PLEKHA7: variants seen among roughly 807,000 people sequenced by gnomAD.
PLEKHA7 encodes pleckstrin homology domain containing A7, also known as pleckstrin homology domain-containing family A member 7.
In PLEKHA7, 104 loss-of-function variants were observed where a neutral mutation model predicts 170.0. The observed-to-expected ratio is 0.61, with a 90% CI of 0.52 to 0.72. The LOEUF is 0.72. PLEKHA7 is among the 30% of genes least tolerant of loss of function. The probability of loss-of-function intolerance (pLI) is 0.00; values close to 1 mark genes in which losing one functional copy is unlikely to be tolerated. For synonymous variants in PLEKHA7, 648 were observed against 660.8 expected (o/e 0.98, Z 0.30); for missense variants, 1,615 against 1,671.7 (o/e 0.97, Z 0.59).
At chr11:16,964,532 C>T (rs188370765) in intron 3 of PLEKHA7, among the ~76,000 whole-genome samples, 90 of 152,330 alleles carry the variant, frequency 5.9e-4, no homozygotes, top group South Asian at 5.6e-3. Context: ...GATGTCTGCA[C>T]ACTCTTGGAA....
intron 8 of PLEKHA7, among the ~76,000 whole-genome samples, chr11:16,843,780 T>TA (rs1249837586): frequency 7.9e-5 from 12 of 151,550 alleles, no homozygotes; most frequent in Admixed American, 4.6e-4. Flanking sequence ...CTACTAAAAA[T>TA]AAAAAAAATA....
intron 3 of PLEKHA7, among the ~76,000 whole-genome samples, chr11:16,894,944 GTTATTA>G (rs995230565): frequency 1.3e-5 from 2 of 152,164 alleles, no homozygotes; most frequent in Non-Finnish European, 2.9e-5. Flanking sequence ...CTAGGAGGTA[GTTATTA>G]TTATTTCCAT....
chr11:16,959,969 G>GC (rs1234832565), intron 3 of PLEKHA7, among the ~76,000 whole-genome samples: 1 of 152,088 alleles, frequency 6.6e-6, no homozygotes, highest in Non-Finnish European at 1.5e-5. Context: ...AAAACCTACT[G>GC]CCCCCCAAGG....
chr11:16,885,561 A>G (rs2135850614), intron 3 of PLEKHA7, among the ~76,000 whole-genome samples: 1 of 149,614 alleles, frequency 6.7e-6, no homozygotes, highest in East Asian at 1.9e-4. Flanking sequence ...TGTTCGGGAG[A>G]CTGAGGCAGG....
intron 3 of PLEKHA7, among the ~76,000 whole-genome samples, chr11:17,009,902 G>A (rs746942416): frequency 3.3e-5 from 5 of 151,998 alleles, no homozygotes; most frequent in Non-Finnish European, 5.9e-5. Context: ...GTGTGGAATT[G>A]CAGGCATGAG....
intron 4 of PLEKHA7, among the ~76,000 whole-genome samples, chr11:16,857,758 G>C (rs903836368): frequency 1.3e-5 from 2 of 152,324 alleles, no homozygotes; most frequent in Non-Finnish European, 2.9e-5. Context: ...TCGCTCTGTC[G>C]CCCGGGCTGG....
At chr11:16,863,446 C>A (rs1484492559) in intron 4 of PLEKHA7, among the ~76,000 whole-genome samples, 3 of 152,128 alleles carry the variant, frequency 2.0e-5, no homozygotes, top group African/African-American at 7.2e-5. Flanking sequence ...GGTTTGGAGC[C>A]TCCAAAGTGA....
intron 9 of PLEKHA7, among the ~76,000 whole-genome samples, chr11:16,832,423 G>T (rs1041508211): frequency 5.3e-5 from 8 of 152,088 alleles, no homozygotes; most frequent in Admixed American, 6.6e-5. Context: ...CTTGCAAGTG[G>T]GAAGAGCACA....
At chr11:17,002,883 C>A (rs1427197596) in intron 3 of PLEKHA7, among the ~76,000 whole-genome samples, 1 of 151,780 alleles carries the variant, frequency 6.6e-6, no homozygotes, top group Non-Finnish European at 1.5e-5. Context: ...CCACTCCTTC[C>A]CCCCAACACA....
chr11:16,839,544 A>T (rs1407782174), intron 9 of PLEKHA7, among the ~76,000 whole-genome samples: 1 of 151,634 alleles, frequency 6.6e-6, no homozygotes, highest in Non-Finnish European at 1.5e-5. Context: ...CATGGATTCA[A>T]CCAACCACAA....
At chr11:16,842,063 T>G (rs1425095419) in intron 8 of PLEKHA7, among the ~76,000 whole-genome samples, 3 of 152,204 alleles carry the variant, frequency 2.0e-5, no homozygotes, top group African/African-American at 7.2e-5. Context: ...CTCTTGGGAA[T>G]CCCTGTTTTG....
chr11:16,850,788 G>A (rs1280519122), intron 8 of PLEKHA7, among the ~76,000 whole-genome samples: 7 of 152,278 alleles, frequency 4.6e-5, no homozygotes, highest in South Asian at 4.1e-4. Flanking sequence ...TCTTTAACAC[G>A]CAGGCCCCTA....
At chr11:16,894,541 G>A (rs1445244937) in intron 3 of PLEKHA7, among the ~76,000 whole-genome samples, 2 of 152,232 alleles carry the variant, frequency 1.3e-5, no homozygotes, top group African/African-American at 4.8e-5. Context: ...GTATCAAATA[G>A]TCAGTGGAAA....
chr11:16,904,863 TCATATATATGA>T (rs1342710840), intron 3 of PLEKHA7, among the ~76,000 whole-genome samples: 11 of 152,168 alleles, frequency 7.2e-5, no homozygotes, highest in Non-Finnish European at 1.2e-4. Context: ...AAAGTCAAAA[TCATATATATGA>T]CTAAAAGCAT....
At chr11:16,884,640 A>C (rs1165325937) in intron 3 of PLEKHA7, among the ~76,000 whole-genome samples, 1 of 65,486 alleles carries the variant, frequency 1.5e-5, no homozygotes, top group Non-Finnish European at 4.4e-5. Flanking sequence ...GTTTAAAAAA[A>C]GAAAAGAAAA....
intron 23 of PLEKHA7, 186 bp from the exon 24 acceptor site, chr11:16,786,573 C>G (rs1245366298): frequency 1.0e-6 from 1 of 985,276 alleles, no homozygotes; most frequent in Non-Finnish European, 1.2e-6. Flanking sequence ...GCTAAGTGCT[C>G]TCTGATCTGG....
At chr11:16,911,410 C>T (rs1858236115) in intron 3 of PLEKHA7, among the ~76,000 whole-genome samples, 2 of 152,188 alleles carry the variant, frequency 1.3e-5, no homozygotes, top group South Asian at 4.1e-4. Flanking sequence ...AAAGCTCCAA[C>T]CACAAACACC....
At chr11:16,808,557 TC>T (rs1259199743) in intron 13 of PLEKHA7, among the ~76,000 whole-genome samples, 2 of 152,144 alleles carry the variant, frequency 1.3e-5, no homozygotes, top group African/African-American at 4.8e-5. Context: ...AGTCCTGATC[TC>T]AGGTTCAAAC....
intron 3 of PLEKHA7, among the ~76,000 whole-genome samples, chr11:16,954,517 G>A (rs940896549): frequency 4.6e-5 from 7 of 150,842 alleles, no homozygotes; most frequent in Non-Finnish European, 1.0e-4. Context: ...CCGGGCAACA[G>A]AGCAAGACTC....
Sources: gnomAD v4.1 joint callset for allele counts (sites outside exome capture counted in the v4.1 genomes callset) on GRCh38, gnomAD v4.1.1 for gene constraint, MANE v1.5 for transcripts, NCBI Gene and HGNC (gene_info 2026-07-23, HGNC 2026-07-21) for gene names.